Variants in CNTNAP2 observed in about 807,000 individuals in gnomAD.
CNTNAP2 encodes contactin associated protein 2, also known as contactin-associated protein-like 2.
A neutral mutation model predicts 155.2 loss-of-function variants in CNTNAP2; 98 were observed. The observed-to-expected ratio is 0.63, with a 90% CI of 0.54 to 0.75. The LOEUF (loss-of-function observed/expected upper bound fraction) is 0.75, where lower values mean the gene tolerates loss of function less well. CNTNAP2 is among the 30% of genes least tolerant of loss of function. The probability of loss-of-function intolerance (pLI) is 0.00; values close to 1 mark genes in which losing one functional copy is unlikely to be tolerated. For synonymous variants in CNTNAP2, 651 were observed against 631.2 expected, an observed-to-expected ratio of 1.03 and a Z score of -0.47; for missense variants, 1,727 against 1,688.1, an observed-to-expected ratio of 1.02 and a Z score of -0.40.
At chr7:148,128,470 A>G (rs1211953286) in intron 16 of CNTNAP2, among the ~76,000 whole-genome samples, 1 of 152,218 alleles carries the variant, frequency 6.6e-6, no homozygotes, top group African/African-American at 2.4e-5. Flanking sequence ...AGAAGTTTGG[A>G]AGTGTAAACT....
intron 9 of CNTNAP2, among the ~76,000 whole-genome samples, chr7:147,355,197 TA>T (rs1381056381): frequency 6.6e-6 from 1 of 152,002 alleles, no homozygotes; most frequent in Non-Finnish European, 1.5e-5. Flanking sequence ...GACTACTGGG[TA>T]AATAATGAAA....
chr7:146,933,589 G>A (rs1362539430), intron 3 of CNTNAP2, among the ~76,000 whole-genome samples: 1 of 147,974 alleles, frequency 6.8e-6, no homozygotes, highest in South Asian at 2.2e-4. Context: ...TTGACAAATG[G>A]GATCTAATTA....
chr7:148,054,599 T>C (rs1277067585), intron 15 of CNTNAP2, among the ~76,000 whole-genome samples: 1 of 152,036 alleles, frequency 6.6e-6, no homozygotes, highest in East Asian at 1.9e-4. Context: ...CTATGCTCCC[T>C]AACTACAACT....
chr7:147,210,129 C>T (rs931009289), intron 8 of CNTNAP2, among the ~76,000 whole-genome samples: 1 of 151,978 alleles, frequency 6.6e-6, no homozygotes, highest in African/African-American at 2.4e-5. Context: ...GGGTGGAACC[C>T]CTCCTCCTTG....
At position 147,681,325 on chromosome 7, in the gene CNTNAP2, A is replaced by G. The variant is rs533034879; in HGVS notation, c.2098+42019A>G. ...GTGCCGTCCTTTAGTACTTAAATAA[A>G]TATCATTCTTCCTGAAACACTACAG... On this transcript the variant is annotated intron_variant, in intron 13 of 23. Transcript: ENST00000361727. 7.2e-4 allele frequency among the ~76,000 whole-genome samples: 109 copies of G among 152,124 alleles called. 3 individuals are homozygous for G. In the South Asian group the frequency reaches 0.022, roughly 31 times the overall value.
chr7:146,998,603 T>G (rs1798355821), intron 3 of CNTNAP2, among the ~76,000 whole-genome samples: 1 of 152,062 alleles, frequency 6.6e-6, no homozygotes, highest in Non-Finnish European at 1.5e-5. Context: ...TCAGTCTGGA[T>G]GAACTATCCA....
At chr7:148,136,904 A>G (rs988609225) in intron 16 of CNTNAP2, among the ~76,000 whole-genome samples, 1 of 152,228 alleles carries the variant, frequency 6.6e-6, no homozygotes, top group East Asian at 1.9e-4. Flanking sequence ...TATGCAATCT[A>G]TACAAGAAAG....
chr7:146,317,906 C>T (rs187327999), intron 1 of CNTNAP2, among the ~76,000 whole-genome samples: 1 of 152,190 alleles, frequency 6.6e-6, no homozygotes, highest in Non-Finnish European at 1.5e-5. Context: ...CTTTGGGAGG[C>T]GAAGGAGGGC....
chr7:146,862,986 T>A (rs1232044246), intron 3 of CNTNAP2, among the ~76,000 whole-genome samples: 2 of 152,188 alleles, frequency 1.3e-5, no homozygotes, highest in Non-Finnish European at 2.9e-5. Context: ...ATGGCAATTG[T>A]ATTGGATTTA....
chr7:147,825,735 A>C (rs1798435929), intron 13 of CNTNAP2, among the ~76,000 whole-genome samples: 1 of 152,156 alleles, frequency 6.6e-6, no homozygotes, highest in Admixed American at 6.6e-5. Context: ...GAAATAGAGA[A>C]GAAATGAGAG....
At chr7:148,304,406 C>T (rs1193217311) in intron 21 of CNTNAP2, among the ~76,000 whole-genome samples, 1 of 152,142 alleles carries the variant, frequency 6.6e-6, no homozygotes, top group East Asian at 1.9e-4. Flanking sequence ...TTAGGATAAA[C>T]AACCATCCAA....
intron 13 of CNTNAP2, among the ~76,000 whole-genome samples, chr7:147,856,501 G>A (rs963358326): frequency 1.3e-5 from 2 of 152,168 alleles, no homozygotes; most frequent in Admixed American, 6.5e-5. Context: ...TCGAAGGCAG[G>A]GAAAGAGAGA....
chr7:146,564,600 T>C (rs969501506), intron 1 of CNTNAP2, among the ~76,000 whole-genome samples: 1 of 148,830 alleles, frequency 6.7e-6, no homozygotes, highest in Non-Finnish European at 1.5e-5. Flanking sequence ...ATATATAATA[T>C]ATAAATGTAG....
At chr7:146,951,734 T>A (rs917564839) in intron 3 of CNTNAP2, among the ~76,000 whole-genome samples, 5 of 152,184 alleles carry the variant, frequency 3.3e-5, no homozygotes, top group Non-Finnish European at 7.4e-5. Context: ...GTGTGATTTC[T>A]CCAGCTTTGT....
chr7:147,808,131 T>A (rs1217797434), intron 13 of CNTNAP2, among the ~76,000 whole-genome samples: 1 of 152,136 alleles, frequency 6.6e-6, no homozygotes, highest in Non-Finnish European at 1.5e-5. Flanking sequence ...ATATATACTA[T>A]ATATATGAAG....
chr7:147,991,210 C>T (rs983233597), intron 15 of CNTNAP2, among the ~76,000 whole-genome samples: 3 of 152,198 alleles, frequency 2.0e-5, no homozygotes, highest in African/African-American at 4.8e-5. Context: ...TTGTCCCTAA[C>T]AGTAGACGGG....
intron 3 of CNTNAP2, among the ~76,000 whole-genome samples, chr7:146,934,817 T>G (rs1472976781): frequency 6.6e-6 from 1 of 152,150 alleles, no homozygotes; most frequent in Non-Finnish European, 1.5e-5. Context: ...GCTCTGCCTC[T>G]TATTGGATAA....
chr7:147,300,280 C>T lies in CNTNAP2; in HGVS notation c.1488C>T (p.Tyr496=), dbSNP rs1794919555. 1 of 1,613,618 alleles carries T rather than the reference C, an allele frequency of 6.2e-7. No individual in the cohort carries two copies. Among genetic ancestry groups the T allele is most frequent in the Non-Finnish European group, 8.5e-7 (1 of 1,179,836 alleles). The change falls in exon 9 of 24, where the codon TAC becomes TAT. Residue 496 remains tyrosine, a synonymous_variant. Transcript: ENST00000361727. ...SPLQVKTGEK[Y]FFGGFLNQMN... ...TTCAAGTTAAAACTGGCGAGAAGTA[C>T]TTTTTTGGAGGTAAGAATGCCATTC...
chr7:147,188,436 G>T (rs1434113986), intron 8 of CNTNAP2, among the ~76,000 whole-genome samples: 1 of 152,172 alleles, frequency 6.6e-6, no homozygotes, highest in Non-Finnish European at 1.5e-5. Flanking sequence ...ATGTAATATT[G>T]ATAGAAGAGG....
Sources: allele counts gnomAD v4.1 joint callset (sites outside exome capture counted in the v4.1 genomes callset), GRCh38; gene constraint gnomAD v4.1.1; transcripts MANE v1.5; gene names NCBI Gene and HGNC (gene_info 2026-07-23, HGNC 2026-07-21).